COL12A1: variants seen among roughly 807,000 people sequenced by gnomAD.
COL12A1 encodes collagen alpha-1(XII) chain.
COL12A1 carries 114 observed loss-of-function variants against 349.7 expected under a neutral mutation model. The observed-to-expected ratio is 0.33, with a 90% CI of 0.28 to 0.38. COL12A1 has a LOEUF of 0.38. Ranked by LOEUF, COL12A1 falls within the 10% of genes least tolerant of loss-of-function variation. The pLI is 1.00. For missense variants in COL12A1, 3,284 were observed against 3,756.9 expected, an observed-to-expected ratio of 0.87 and a Z score of 3.29; for synonymous variants, 1,369 against 1,329.0, an observed-to-expected ratio of 1.03 and a Z score of -0.66.
chr6:75,108,584 C>T (rs1030842102), intron 52 of COL12A1, among the ~76,000 whole-genome samples: 2 of 152,150 alleles, frequency 1.3e-5, no homozygotes, highest in Non-Finnish European at 2.9e-5. Context: ...CGAATGGCTC[C>T]TCTGTGAGCA....
At chr6:75,165,400 T>C (rs1432424591) in intron 14 of COL12A1, 107 bp downstream of exon 14, 2 of 1,404,044 alleles carry the variant, frequency 1.4e-6, no homozygotes, top group Non-Finnish European at 1.9e-6. Flanking sequence ...AGTCTTCATT[T>C]ATCATGTAAA....
intron 43 of COL12A1, among the ~76,000 whole-genome samples, chr6:75,122,043 A>G (rs1765757637): frequency 6.6e-6 from 1 of 152,054 alleles, no homozygotes; most frequent in African/African-American, 2.4e-5. Context: ...TATTTTTAGC[A>G]GAGACGGGTT....
In COL12A1 at chr6:75,091,643, A is replaced by G; in HGVS notation, c.8650-118T>C. On this transcript the variant is annotated intron_variant, in intron 60 of 65. Transcript: ENST00000322507. Reference sequence around the variant, plus strand: ...TTTTCTAAAGCATTAGCAAAATGACACATCACATTTATATCCATGTTACTC... The same window carrying G: ...TTTTCTAAAGCATTAGCAAAATGACGCATCACATTTATATCCATGTTACTC... 1.1e-5 allele frequency: 10 copies of G among 928,808 alleles called. No individual in the cohort carries two copies. In the South Asian group the frequency reaches 1.5e-4, roughly 14 times the overall value. 57.5% of individuals were successfully genotyped at this position (928,808 alleles called of 1,614,324 possible).
rs1767716795 is a variant in COL12A1, at chr6:75,155,718, T to G, written c.3387A>C (p.Arg1129Ser). ...VTFHPTGDDR[R>S]LGELVVGPYD... ...AGGGTCCAACCACTAACTCCCCCAG[T>G]CTTCTGTCATCCCCCGTAGGGTGGA... Residue 1129 changes from arginine (R) to serine (S), a missense_variant, in exon 16 of 66, where the codon AGA becomes AGC. Coordinates refer to ENST00000322507, the MANE Select transcript of COL12A1 (RefSeq NM_004370.6). 1 of 1,612,796 alleles carries G rather than the reference T, an allele frequency of 6.2e-7. No individual in the cohort carries two copies. Among genetic ancestry groups the G allele is most frequent in the African/African-American group, 1.3e-5 (1 of 74,814 alleles).
At chr6:75,096,662 C>T (rs1397857420) in intron 59 of COL12A1, among the ~76,000 whole-genome samples, 6 of 152,022 alleles carry the variant, frequency 3.9e-5, no homozygotes, top group Non-Finnish European at 7.4e-5. Context: ...TTTGGGAGGC[C>T]GAGGCCGGCA....
chr6:75,103,422 C>T (rs1318911587), intron 55 of COL12A1, among the ~76,000 whole-genome samples: 1 of 152,166 alleles, frequency 6.6e-6, no homozygotes, highest in African/African-American at 2.4e-5. Flanking sequence ...CAGTAGTGCT[C>T]CCAACAGGCT....
Position 75,090,236 on chromosome 6 carries a change from T to A in COL12A1, c.8815A>T (p.Asn2939Tyr), listed in dbSNP as rs1263970160. 3 of 1,614,012 alleles carry A rather than the reference T, an allele frequency of 1.9e-6. No individual in the cohort carries two copies. The South Asian group carries it at 3.3e-5, about 18-fold the overall frequency. The change falls in exon 63 of 66, where the codon AAC becomes TAC. Residue 2939 changes from asparagine (N) to tyrosine (Y), a missense_variant. Asn to Tyr is a moderately radical substitution (Grantham distance 143). Transcript: ENST00000322507. This position sits in a 1 kb window ranked among gnomAD's most constrained non-coding sequence, Gnocchi z 4.1. ...GGTGGACCCGGCGGGCCTGGCTGGT[T>A]GCGACTGGACTGGTAATCATTTGGA... ...QIPNDYQSSR[N>Y]QPGPPGPPGP...
At position 75,148,505 on chromosome 6, in the gene COL12A1, T is replaced by C. The variant is rs200807050; in HGVS notation, c.4148-8A>G. On this transcript the variant is annotated splice_polypyrimidine_tract_variant and splice_region_variant and intron_variant, in intron 21 of 65. Coordinates refer to ENST00000322507, the MANE Select transcript of COL12A1 (RefSeq NM_004370.6). ...AAGGTGCTTCCAAATCACCTACACA[T>C]GGAAATAAAGGGTATACACTTTTCT... The C allele has an allele frequency of 6.2e-7, 1 of 1,611,010 alleles. No homozygotes were observed. The highest frequency in any genetic ancestry group is 1.1e-5 in the South Asian group (1 of 90,806).
intron 59 of COL12A1, among the ~76,000 whole-genome samples, chr6:75,095,939 G>A (rs939340241): frequency 1.3e-5 from 2 of 152,074 alleles, no homozygotes; most frequent in African/African-American, 2.4e-5. Flanking sequence ...TGCTAAGTTG[G>A]GCACCATGGT....
rs754733362 is a variant in COL12A1 at position 75,192,239 on chromosome 6, T to C, written c.307A>G (p.Ser103Gly). 1.2e-6 allele frequency: 2 copies of C among 1,605,800 alleles called. No homozygotes were observed. Among genetic ancestry groups the C allele is most frequent in the Non-Finnish European group, 8.5e-7 (1 of 1,175,174 alleles). ...TITSYDEVEESVPVIGQLTIQ... is the reference protein window; with the variant it reads ...TITSYDEVEEGVPVIGQLTIQ... ...GTTAGTTGTCCTATAACTGGTACACTTTCTTCTACTTCATCATATGAAGTT... is the reference window on the plus strand; with the variant it reads ...GTTAGTTGTCCTATAACTGGTACACCTTCTTCTACTTCATCATATGAAGTT... The change falls in exon 4 of 66, where the codon AGT (serine) becomes GGT (glycine). Residue 103 changes from serine to glycine, a missense_variant. Coordinates refer to ENST00000322507, the MANE Select transcript of COL12A1 (RefSeq NM_004370.6).
chr6:75,113,891 TAC>T, intron 49 of COL12A1, 147 bp from the exon 50 acceptor site: 1 of 562,282 alleles, frequency 1.8e-6, no homozygotes, highest in Non-Finnish European at 2.7e-6. Context: ...AGGCTATTTA[TAC>T]TAATCTGGCT....
intron 37 of COL12A1, 106 bp downstream of exon 37, chr6:75,129,985 T>C (rs1410679235): frequency 7.7e-7 from 1 of 1,296,772 alleles, no homozygotes; most frequent in African/African-American, 1.5e-5. Context: ...AAAGTGTGAC[T>C]ATCAAGGACT....
chr6:75,095,293 A>AAGGGTC, intron 59 of COL12A1, 114 bp from the exon 60 acceptor site: 2 of 777,306 alleles, frequency 2.6e-6, no homozygotes, highest in Non-Finnish European at 4.1e-6. Flanking sequence ...ATAATTACAC[A>AAGGGTC]TTCAGGAAAA....
chr6:75,153,027 G>A (rs531571316), intron 17 of COL12A1, among the ~76,000 whole-genome samples: 2 of 152,000 alleles, frequency 1.3e-5, no homozygotes, highest in Non-Finnish European at 2.9e-5. Flanking sequence ...AAGCTGTTAG[G>A]TAACTACCAC....
intron 14 of COL12A1, among the ~76,000 whole-genome samples, chr6:75,159,031 CCA>C (rs1341897738): frequency 6.6e-6 from 1 of 151,524 alleles, no homozygotes; most frequent in Non-Finnish European, 1.5e-5. Context: ...GTAGTGAACC[CCA>C]AACACAAGAA....
At chr6:75,204,160 C>T (rs1028036992) in intron 1 of COL12A1, among the ~76,000 whole-genome samples, 1 of 152,218 alleles carries the variant, frequency 6.6e-6, no homozygotes, top group East Asian at 1.9e-4. Flanking sequence ...CAATTTCTTT[C>T]TTCCTAATTA....
chr6:75,133,832 C>G, intron 33 of COL12A1, 26 bp downstream of exon 33: 2 of 1,612,958 alleles, frequency 1.2e-6, no homozygotes, highest in Non-Finnish European at 1.7e-6. Context: ...AACAAACTAG[C>G]ATTTTTTACT....
intron 15 of COL12A1, 74 bp from the exon 16 acceptor site, chr6:75,155,928 C>CA: frequency 7.0e-7 from 1 of 1,425,718 alleles, no homozygotes; most frequent in South Asian, 1.4e-5. Flanking sequence ...ATTAGCCCCA[C>CA]AAAAATGCAT....
intron 17 of COL12A1, among the ~76,000 whole-genome samples, chr6:75,153,691 C>T (rs1399004185): frequency 1.3e-5 from 2 of 152,092 alleles, no homozygotes; most frequent in African/African-American, 4.8e-5. Flanking sequence ...CTGCCCAGAT[C>T]TACTCTTTTT....
Sources: allele counts gnomAD v4.1 joint callset (sites outside exome capture counted in the v4.1 genomes callset), GRCh38; gene constraint gnomAD v4.1.1; non-coding constraint Gnocchi (gnomAD v3.1); transcripts MANE v1.5; gene names NCBI Gene and HGNC (gene_info 2026-07-23, HGNC 2026-07-21).